Variants in TBC1D22A observed in about 807,000 individuals in gnomAD.
The protein encoded by TBC1D22A is putative GTPase activator.
A neutral mutation model predicts 60.2 loss-of-function variants in TBC1D22A; 38 were observed. The ratio of observed to expected loss-of-function variants is 0.63; its 90% CI spans 0.49 to 0.83. The LOEUF (loss-of-function observed/expected upper bound fraction) is 0.83. Among genes scored for constraint, TBC1D22A ranks in the 40% least tolerant of loss-of-function variants. The pLI is 0.00. For missense variants in TBC1D22A, 628 were observed against 701.0 expected (o/e 0.90, Z 1.18); for synonymous variants, 302 against 281.7 (o/e 1.07, Z -0.72).
At chr22:46,921,636 T>C (rs1310522264) in intron 8 of TBC1D22A, among the ~76,000 whole-genome samples, 1 of 152,240 alleles carries the variant, frequency 6.6e-6, no homozygotes, top group Non-Finnish European at 1.5e-5. Context: ...GAACAGTAGT[T>C]CTGCTTTAAG....
At chr22:46,981,536 G>A (rs1442500800) in intron 9 of TBC1D22A, among the ~76,000 whole-genome samples, 11 of 152,282 alleles carry the variant, frequency 7.2e-5, no homozygotes, top group South Asian at 2.1e-4. Context: ...TCATGGGGGC[G>A]GTCTCCCCCA....
At chr22:46,869,102 A>T (rs919846316) in intron 4 of TBC1D22A, among the ~76,000 whole-genome samples, 3 of 152,176 alleles carry the variant, frequency 2.0e-5, no homozygotes, top group Non-Finnish European at 4.4e-5. Context: ...ATTTCTGCTG[A>T]CATTTCTTGT....
At chr22:47,017,435 G>T (rs1342662777) in intron 10 of TBC1D22A, among the ~76,000 whole-genome samples, 7 of 152,152 alleles carry the variant, frequency 4.6e-5, no homozygotes, top group Admixed American at 4.6e-4. Flanking sequence ...CCTGAGTGTT[G>T]GGGGAACCTG....
At chr22:47,018,034 T>G (rs2061962163) in intron 10 of TBC1D22A, among the ~76,000 whole-genome samples, 1 of 152,246 alleles carries the variant, frequency 6.6e-6, no homozygotes, top group South Asian at 2.1e-4. Flanking sequence ...TAATGGGCAG[T>G]CACATTCCCA....
intron 1 of TBC1D22A, chr22:46,773,862 C>T (rs1025698707): frequency 1.3e-4 from 119 of 903,352 alleles, no homozygotes; most frequent in Non-Finnish European, 1.5e-4. Context: ...TGAGGAAACT[C>T]AGAAGCTGAG....
intron 4 of TBC1D22A, among the ~76,000 whole-genome samples, chr22:46,849,551 C>A (rs1003056748): frequency 3.3e-5 from 5 of 152,152 alleles, no homozygotes; most frequent in African/African-American, 1.2e-4. Context: ...TCAGATTCAT[C>A]TGTCTTTTTA....
rs1231906265 is a variant in TBC1D22A, at chr22:46,832,446, C to T, written c.637+34826C>T. ...TGAGTGGATCACGAGGTCAGGAGTTCGAGACAAGCCTGGCCAACATGGTGA... is the reference window on the plus strand; with the variant it reads ...TGAGTGGATCACGAGGTCAGGAGTTTGAGACAAGCCTGGCCAACATGGTGA... On this transcript the variant is annotated intron_variant, in intron 4 of 12. Transcript: ENST00000337137. Among the ~76,000 whole-genome samples, 6 of 152,254 alleles carry T rather than the reference C, an allele frequency of 3.9e-5. No individual in the cohort carries two copies. The East Asian group carries it at 1.2e-3, about 29-fold the overall frequency.
At chr22:46,998,536 C>G (rs889381329) in intron 10 of TBC1D22A, among the ~76,000 whole-genome samples, 1 of 152,254 alleles carries the variant, frequency 6.6e-6, no homozygotes, top group Non-Finnish European at 1.5e-5. Flanking sequence ...GGCCACGTGC[C>G]TTGCAGGGCC....
intron 9 of TBC1D22A, among the ~76,000 whole-genome samples, chr22:46,989,176 A>C (rs1216749040): frequency 9.9e-5 from 15 of 152,242 alleles, no homozygotes; most frequent in Non-Finnish European, 1.9e-4. Context: ...GCTCTGGATT[A>C]GGCTTTGGCT....
At chr22:47,055,893 G>A (rs894675654) in intron 11 of TBC1D22A, among the ~76,000 whole-genome samples, 4 of 152,140 alleles carry the variant, frequency 2.6e-5, no homozygotes, top group African/African-American at 9.7e-5. Context: ...GCCACTGAGG[G>A]TCGGTGAGAT....
chr22:46,884,016 C>G (rs2067983627), intron 5 of TBC1D22A, among the ~76,000 whole-genome samples: 2 of 152,206 alleles, frequency 1.3e-5, no homozygotes, highest in Non-Finnish European at 2.9e-5. Context: ...GTCGTGATCA[C>G]TCTTGCACTC....
intron 10 of TBC1D22A, among the ~76,000 whole-genome samples, chr22:47,021,051 A>G (rs549352633): frequency 6.4e-4 from 98 of 152,318 alleles, no homozygotes; most frequent in Admixed American, 2.9e-3. Flanking sequence ...TGAATGAACC[A>G]GGACACAGGT....
chr22:46,949,922 C>T (rs1262632757), intron 8 of TBC1D22A, among the ~76,000 whole-genome samples: 1 of 152,200 alleles, frequency 6.6e-6, no homozygotes, highest in Non-Finnish European at 1.5e-5. Flanking sequence ...GCAGCCTGAG[C>T]AGGGGAGGGC....
At chr22:46,980,058 T>G (rs879593095) in intron 9 of TBC1D22A, among the ~76,000 whole-genome samples, 1 of 152,154 alleles carries the variant, frequency 6.6e-6, no homozygotes, top group Admixed American at 6.5e-5. Flanking sequence ...TAGGAGGATT[T>G]GTACCCAGAG....
intron 11 of TBC1D22A, among the ~76,000 whole-genome samples, chr22:47,076,808 C>G (rs2064247153): frequency 6.6e-6 from 1 of 152,192 alleles, no homozygotes; most frequent in Admixed American, 6.5e-5. Context: ...AATATCATCT[C>G]CCTGTGACAA....
chr22:46,987,043 C>T (rs772180102), intron 9 of TBC1D22A, among the ~76,000 whole-genome samples: 3 of 152,168 alleles, frequency 2.0e-5, no homozygotes, highest in Non-Finnish European at 4.4e-5. Flanking sequence ...GGCATGGTGG[C>T]CTTGGGATAG....
rs572723872 is a variant in TBC1D22A, at chr22:47,160,737, G to A, written c.1426-12761G>A. Among the ~76,000 whole-genome samples, 34 of 152,304 alleles carry A rather than the reference G, an allele frequency of 2.2e-4. No individual in the cohort carries two copies. The East Asian group carries it at 3.7e-3, about 16-fold the overall frequency. On this transcript the variant is annotated intron_variant, in intron 12 of 12. Coordinates refer to ENST00000337137, the MANE Select transcript of TBC1D22A (RefSeq NM_014346.5). ...CTAAGTTTTCCATGACACCTGACAC[G>A]ACCAAGCCACGGGGACCGAGATGGC... is the stretch of plus-strand genomic sequence containing the variant.
At chr22:46,923,221 T>G (rs2070855765) in intron 8 of TBC1D22A, among the ~76,000 whole-genome samples, 1 of 152,252 alleles carries the variant, frequency 6.6e-6, no homozygotes, top group African/African-American at 2.4e-5. Context: ...GAAGACTTAT[T>G]GAAGCCTATC....
chr22:47,100,664 G>A (rs2065379355), intron 11 of TBC1D22A, among the ~76,000 whole-genome samples: 1 of 152,206 alleles, frequency 6.6e-6, no homozygotes, highest in South Asian at 2.1e-4. Context: ...CACGTAAGAC[G>A]TGACTTGCTC....
Sources: allele counts gnomAD v4.1 joint callset (sites outside exome capture counted in the v4.1 genomes callset), GRCh38; gene constraint gnomAD v4.1.1; transcripts MANE v1.5; gene names NCBI Gene and HGNC (gene_info 2026-07-23, HGNC 2026-07-21).